DLGAP2: variants seen among roughly 807,000 people sequenced by gnomAD.
DLGAP2 encodes DLG associated protein 2.
A neutral mutation model predicts 100.3 loss-of-function variants in DLGAP2; 26 were observed. The observed-to-expected ratio is 0.26, with a 90% CI of 0.19 to 0.36. The LOEUF (loss-of-function observed/expected upper bound fraction) is 0.36. Ranked by LOEUF, DLGAP2 falls within the 10% of genes least tolerant of loss-of-function variation. The pLI is 1.00. For synonymous variants in DLGAP2, 886 were observed against 630.1 expected (o/e 1.41, Z -6.08); for missense variants, 1,858 against 1,453.2 (o/e 1.28, Z -4.53).
At chr8:951,980 C>G (rs930817533) in intron 2 of DLGAP2, among the ~76,000 whole-genome samples, 3 of 152,238 alleles carry the variant, frequency 2.0e-5, no homozygotes, top group Non-Finnish European at 4.4e-5. Context: ...GATCCTGACT[C>G]TGGTTCCTCC....
At chr8:1,538,764 C>T (rs1033446949) in intron 4 of DLGAP2, among the ~76,000 whole-genome samples, 2 of 152,152 alleles carry the variant, frequency 1.3e-5, no homozygotes, top group East Asian at 1.9e-4. Flanking sequence ...AGCGTGGCCA[C>T]AGCCACTCAG....
At chr8:1,231,409 C>T (rs1397436612) in intron 2 of DLGAP2, among the ~76,000 whole-genome samples, 5 of 152,136 alleles carry the variant, frequency 3.3e-5, no homozygotes, top group African/African-American at 7.2e-5. Context: ...TTAGTTCAGC[C>T]ATAGTGGAAA....
chr8:1,045,663 C>T (rs1302530531), intron 2 of DLGAP2, among the ~76,000 whole-genome samples: 3 of 152,184 alleles, frequency 2.0e-5, no homozygotes, highest in Non-Finnish European at 4.4e-5. Flanking sequence ...TCCTGGTAAC[C>T]ACCCTTCTAT....
chr8:943,784 A>G (rs886634329), intron 2 of DLGAP2, among the ~76,000 whole-genome samples: 12 of 152,274 alleles, frequency 7.9e-5, no homozygotes, highest in African/African-American at 2.9e-4. Context: ...GCTGGTAGTA[A>G]ATTTTGATCT....
In DLGAP2 at chr8:1,417,232, G is replaced by A. The variant is rs186126430; in HGVS notation, c.107-84134G>A. On this transcript the variant is annotated intron_variant, in intron 3 of 14. Transcript: ENST00000637795. ...GTGAGGGGAGACCAGCGTCCGTTTG[G>A]CGTCTGAGGTGGGGAGACCGGCATT... is the stretch of plus-strand genomic sequence containing the variant. Among the ~76,000 whole-genome samples the A allele has an allele frequency of 1.9e-4, 17 of 90,242 alleles. 1 individual carries two copies. In the East Asian group the frequency reaches 6.3e-3, roughly 33 times the overall value. 59.2% of individuals were successfully genotyped at this position (90,242 alleles called of 152,430 possible). A position where few individuals can be genotyped will look rare whatever the true frequency, so the allele number is the denominator to read the frequency against.
intron 6 of DLGAP2, among the ~76,000 whole-genome samples, chr8:1,624,854 T>C (rs1397638778): frequency 6.9e-6 from 1 of 145,078 alleles, no homozygotes; most frequent in African/African-American, 2.7e-5. Context: ...TTTCTCTCTC[T>C]CTCTCTCTCT....
At chr8:907,207 T>C (rs1033588514) in intron 1 of DLGAP2, among the ~76,000 whole-genome samples, 1 of 152,224 alleles carries the variant, frequency 6.6e-6, no homozygotes, top group African/African-American at 2.4e-5. Context: ...GGCTGCAAGT[T>C]CATCGTGTGG....
chr8:1,559,947 G>A (rs182730738), intron 5 of DLGAP2, among the ~76,000 whole-genome samples: 90 of 152,304 alleles, frequency 5.9e-4, no homozygotes, highest in African/African-American at 1.7e-3. Context: ...CCCGTCAGCC[G>A]ACAGTGACCT....
At chr8:1,426,405 A>C (rs1324984992) in intron 3 of DLGAP2, among the ~76,000 whole-genome samples, 1 of 152,214 alleles carries the variant, frequency 6.6e-6, no homozygotes, top group Non-Finnish European at 1.5e-5. Context: ...AATGAACAGC[A>C]TGAAGCAGGA....
intron 1 of DLGAP2, among the ~76,000 whole-genome samples, chr8:877,006 T>A (rs575894640): frequency 2.6e-5 from 4 of 152,022 alleles, no homozygotes; most frequent in East Asian, 1.9e-4. Context: ...CAGGTTTTTT[T>A]TTTTTTTATT....
chr8:1,357,546 G>T (rs543108818), intron 3 of DLGAP2, among the ~76,000 whole-genome samples: 15 of 152,052 alleles, frequency 9.9e-5, no homozygotes, highest in Admixed American at 2.0e-4. Flanking sequence ...AATATTTCCC[G>T]CCTCACAGGT....
intron 3 of DLGAP2, among the ~76,000 whole-genome samples, chr8:1,280,825 T>G (rs1343949289): frequency 6.6e-6 from 1 of 152,200 alleles, no homozygotes; most frequent in South Asian, 2.1e-4. Context: ...GATTCTTAAA[T>G]GGGACACATA....
chr8:818,052 A>G lies in DLGAP2; in HGVS notation c.18+80227A>G, dbSNP rs944036634. ...GGTTTCTCGGGCAGTGGGCAGGGCCATAGAGCTCCCAAGATATTATGACCT... is the reference window on the plus strand; with the variant it reads ...GGTTTCTCGGGCAGTGGGCAGGGCCGTAGAGCTCCCAAGATATTATGACCT... On this transcript the variant is annotated intron_variant, in intron 1 of 14. Coordinates refer to ENST00000637795, the MANE Select transcript of DLGAP2 (RefSeq NM_001346810.2). 2.6e-4 allele frequency among the ~76,000 whole-genome samples: 40 copies of G among 152,284 alleles called. No homozygotes were observed. The East Asian group carries it at 3.9e-3, about 15-fold the overall frequency.
At chr8:915,480 G>T (rs1349418477) in intron 2 of DLGAP2, among the ~76,000 whole-genome samples, 1 of 152,038 alleles carries the variant, frequency 6.6e-6, no homozygotes, top group African/African-American at 2.4e-5. Flanking sequence ...CCAGGAGGCG[G>T]AGCTTGCAGT....
At chr8:1,166,614 C>T (rs1450607761) in intron 2 of DLGAP2, among the ~76,000 whole-genome samples, 3 of 152,252 alleles carry the variant, frequency 2.0e-5, no homozygotes, top group Admixed American at 2.0e-4. Flanking sequence ...TTTATCCTTT[C>T]TAAGAATACG....
At chr8:1,132,235 A>G (rs1394914348) in intron 2 of DLGAP2, among the ~76,000 whole-genome samples, 2 of 152,248 alleles carry the variant, frequency 1.3e-5, no homozygotes, top group Admixed American at 1.3e-4. Flanking sequence ...TAAATCCTGT[A>G]GAGAGTCTTT....
Position 1,682,622 on chromosome 8 carries a change from G to A in DLGAP2, c.2704+3993G>A, listed in dbSNP as rs537987771. On this transcript the variant is annotated intron_variant, in intron 12 of 14. Transcript: ENST00000637795. ...CCCAAGTAGCTGGGACTACAGACAC[G>A]CACCACAGCACCTGGCTAATTTTGT... 4.0e-4 allele frequency among the ~76,000 whole-genome samples: 59 copies of A among 146,612 alleles called. 1 individual carries two copies. The highest frequency in any genetic ancestry group is 1.9e-3 in the South Asian group (9 of 4,732).
At chr8:1,036,501 G>C (rs4735970) in intron 2 of DLGAP2, among the ~76,000 whole-genome samples, 44,699 of 152,100 alleles carry the variant, frequency 0.29, 7,038 homozygotes, top group African/African-American at 0.41. Flanking sequence ...GTCGGGGGAG[G>C]TTCTCTGCTT....
At chr8:1,528,523 G>T (rs1001216964) in intron 4 of DLGAP2, among the ~76,000 whole-genome samples, 1 of 152,232 alleles carries the variant, frequency 6.6e-6, no homozygotes, top group African/African-American at 2.4e-5. Context: ...TGACAGAAAT[G>T]TAGATTCTCA....
Sources: allele counts gnomAD v4.1 joint callset (sites outside exome capture counted in the v4.1 genomes callset), GRCh38; gene constraint gnomAD v4.1.1; transcripts MANE v1.5; gene names NCBI Gene and HGNC (gene_info 2026-07-23, HGNC 2026-07-21).